LOXHD1: variants seen among roughly 807,000 people sequenced by gnomAD.
The protein encoded by LOXHD1 is lipoxygenase homology domain-containing protein 1.
A neutral mutation model predicts 248.2 loss-of-function variants in LOXHD1; 205 were observed. The ratio of observed to expected loss-of-function variants is 0.83; its 90% CI spans 0.74 to 0.93. LOXHD1 has a LOEUF of 0.93. Among genes scored for constraint, LOXHD1 ranks in the 40% least tolerant of loss-of-function variants. The probability of loss-of-function intolerance (pLI) is 0.00; values close to 1 mark genes in which losing one functional copy is unlikely to be tolerated. For missense variants in LOXHD1, 2,930 were observed against 2,971.6 expected (o/e 0.99, Z 0.33); for synonymous variants, 1,113 against 1,162.8 (o/e 0.96, Z 0.87).
intron 40 of LOXHD1, among the ~76,000 whole-genome samples, chr18:46,479,209 T>C (rs486292): frequency 1.4e-5 from 2 of 147,306 alleles, no homozygotes; most frequent in African/African-American, 2.5e-5. Flanking sequence ...CTTGGCTGAG[T>C]TGAACAAAGA....
chr18:46,495,447 T>TTA (rs150118585), intron 37 of LOXHD1, among the ~76,000 whole-genome samples: 1 of 151,898 alleles, frequency 6.6e-6, no homozygotes, highest in Admixed American at 6.6e-5. Flanking sequence ...AAATCACCAT[T>TTA]TGTAACCTTA....
chr18:46,533,430 G>T, intron 27 of LOXHD1, 106 bp from the exon 28 acceptor site: 2 of 1,318,606 alleles, frequency 1.5e-6, no homozygotes, highest in Non-Finnish European at 1.0e-6. Flanking sequence ...GGATCATGGG[G>T]CCCCATAAAT....
In LOXHD1 at chr18:46,583,646, A is replaced by G. The variant is rs535165811; in HGVS notation, c.1655-3862T>C. Among the ~76,000 whole-genome samples, 14 of 152,224 alleles carry G rather than the reference A, an allele frequency of 9.2e-5. No homozygotes were observed. The East Asian group carries it at 2.7e-3, about 29-fold the overall frequency. On this transcript the variant is annotated intron_variant, in intron 12 of 40. Transcript: ENST00000642948. ...AATCGAAACCATAGTGAAATATACC[A>G]TCTTGCTCTAGTTAGAATGGCCATC... is the stretch of plus-strand genomic sequence containing the variant.
intron 27 of LOXHD1, chr18:46,533,699 G>A: frequency 3.1e-6 from 1 of 326,546 alleles, no homozygotes; most frequent in Non-Finnish European, 6.0e-6. Context: ...CAAGGCGGGT[G>A]GATTACCTGA....
rs59602837 is a variant in LOXHD1, at chr18:46,607,168, C to CAA, written c.760-2941_760-2940dup. Among the ~76,000 whole-genome samples, 783 of 116,400 alleles carry CAA rather than the reference C, an allele frequency of 6.7e-3. 19 individuals carry two copies. In the East Asian group the frequency reaches 0.089, roughly 13 times the overall value. The allele number at this position is 116,400 out of a possible 152,430, so 76.4% of individuals were successfully genotyped here. ...TCAGTGACAGAGTGACATTCTGTCT[C>CAA]AAAAAAAAAAAAATTATATTGTAAA... On this transcript the variant is annotated intron_variant, in intron 6 of 40. Coordinates refer to ENST00000642948, the MANE Select transcript of LOXHD1 (RefSeq NM_001384474.1).
intron 5 of LOXHD1, among the ~76,000 whole-genome samples, chr18:46,613,449 A>C (rs1363291099): frequency 6.6e-6 from 1 of 152,086 alleles, no homozygotes; most frequent in Non-Finnish European, 1.5e-5. Context: ...CATTGGTTCT[A>C]ATGGTTTGTA....
At chr18:46,564,657 G>GGGGAAGAGGTAT (rs1363581753) in intron 17 of LOXHD1, among the ~76,000 whole-genome samples, 1 of 152,170 alleles carries the variant, frequency 6.6e-6, no homozygotes, top group Non-Finnish European at 1.5e-5. Flanking sequence ...GGAAGAGGTA[G>GGGGAAGAGGTAT]GTAAGGGAAC....
rs368870055 is a variant in LOXHD1, at chr18:46,538,220, C to A, written c.4031G>T (p.Cys1344Phe). ...DAVCTQQKYL[C>F]TNKREQKQFF... Reference sequence around the variant, plus strand: ...CTGCTTCTGTTCCCTCTTGTTGGTACACAGATACTTCTGCTGGGTGCACAC... The same window carrying A: ...CTGCTTCTGTTCCCTCTTGTTGGTAAACAGATACTTCTGCTGGGTGCACAC... Residue 1344 changes from cysteine to phenylalanine, a missense_variant, in exon 26 of 41, where the codon TGT becomes TTT. Cys to Phe is a radical substitution (Grantham distance 205). Transcript: ENST00000642948. The A allele has an allele frequency of 2.1e-4, 331 of 1,548,904 alleles. No homozygotes were observed. Among genetic ancestry groups the A allele is most frequent in the Admixed American group, 9.8e-5 (5 of 50,950 alleles).
chr18:46,524,101 G>A (rs185617387), intron 31 of LOXHD1, among the ~76,000 whole-genome samples: 2 of 152,288 alleles, frequency 1.3e-5, no homozygotes, highest in Non-Finnish European at 2.9e-5. Context: ...ATCAGAAATG[G>A]AACTTCAGTC....
intron 12 of LOXHD1, among the ~76,000 whole-genome samples, chr18:46,583,258 G>C (rs1479897240): frequency 1.3e-5 from 2 of 152,014 alleles, no homozygotes; most frequent in African/African-American, 4.8e-5. Context: ...CTTTAGGCTG[G>C]GCAAGAATTC....
At chr18:46,592,372 C>T in intron 11 of LOXHD1, 126 bp downstream of exon 11, 1 of 835,246 alleles carries the variant, frequency 1.2e-6, no homozygotes, top group East Asian at 2.7e-5. Flanking sequence ...CAGGTCTCAC[C>T]ATAACCCTTT....
intron 34 of LOXHD1, 121 bp from the exon 35 acceptor site, chr18:46,509,936 C>G: frequency 1.4e-6 from 1 of 717,500 alleles, no homozygotes; most frequent in Admixed American, 2.1e-5. Context: ...TCAGCAGCCC[C>G]TCTGCTCTCA....
chr18:46,509,585 A>C, intron 35 of LOXHD1, 113 bp downstream of exon 35: 1 of 796,452 alleles, frequency 1.3e-6, no homozygotes, highest in East Asian at 2.7e-5. Flanking sequence ...GGTTCATGTA[A>C]TGATCCTCTA....
chr18:46,598,803 CAT>C (rs1356489051), intron 8 of LOXHD1, among the ~76,000 whole-genome samples: 1 of 152,012 alleles, frequency 6.6e-6, no homozygotes, highest in Non-Finnish European at 1.5e-5. Context: ...TTAAAGAAGA[CAT>C]AAATTTTAAG....
At position 46,618,255 on chromosome 18, in the gene LOXHD1, C is replaced by T. The variant is rs1315291236; in HGVS notation, c.547G>A (p.Val183Ile). The T allele has an allele frequency of 1.3e-6, 2 of 1,551,482 alleles. No homozygotes were observed. The highest frequency in any genetic ancestry group is 1.4e-5 in the African/African-American group (1 of 73,162). ...KYEVKVYTGD[V>I]IGAGTDADVF... ...TCAGCATCTGTCCCTGCACCAATTACATCACCAGTGTATACCTTGACTTCA... is the reference window on the plus strand; with the variant it reads ...TCAGCATCTGTCCCTGCACCAATTATATCACCAGTGTATACCTTGACTTCA... The change falls in exon 5 of 41, where the codon GTA (valine) becomes ATA (isoleucine). Residue 183 changes from valine to isoleucine, a missense_variant. Coordinates refer to ENST00000642948, the MANE Select transcript of LOXHD1 (RefSeq NM_001384474.1).
chr18:46,599,318 AT>A (rs910306713), intron 8 of LOXHD1, among the ~76,000 whole-genome samples: 17 of 152,164 alleles, frequency 1.1e-4, no homozygotes, highest in Non-Finnish European at 2.5e-4. Context: ...CTAGGAATCT[AT>A]TTTTATCAAG....
At chr18:46,539,325 GC>G (rs1340141777) in intron 25 of LOXHD1, among the ~76,000 whole-genome samples, 1 of 152,148 alleles carries the variant, frequency 6.6e-6, no homozygotes, top group Non-Finnish European at 1.5e-5. Flanking sequence ...GCTGGACGTG[GC>G]GGTGGGTATC....
intron 32 of LOXHD1, 68 bp from the exon 33 acceptor site, chr18:46,521,350 C>A (rs2035571889): frequency 6.6e-7 from 1 of 1,507,846 alleles, no homozygotes; most frequent in South Asian, 1.2e-5. Flanking sequence ...CCCTGCCCAG[C>A]CCCCTCCCTC....
intron 17 of LOXHD1, among the ~76,000 whole-genome samples, chr18:46,565,359 C>T (rs1281005876): frequency 6.6e-6 from 1 of 152,194 alleles, no homozygotes; most frequent in Non-Finnish European, 1.5e-5. Flanking sequence ...TCCAAAAAGG[C>T]CCTTCCCCCA....
Sources: allele counts gnomAD v4.1 joint callset (sites outside exome capture counted in the v4.1 genomes callset), GRCh38; gene constraint gnomAD v4.1.1; transcripts MANE v1.5; gene names NCBI Gene and HGNC (gene_info 2026-07-23, HGNC 2026-07-21).